CSMD1: variants seen among roughly 807,000 people sequenced by gnomAD.
CSMD1 encodes the protein CUB and Sushi multiple domains 1.
A neutral mutation model predicts 417.5 loss-of-function variants in CSMD1; 213 were observed. That is an observed-to-expected ratio of 0.51 (90% CI 0.46 to 0.57). The LOEUF (loss-of-function observed/expected upper bound fraction) is 0.57, where lower values mean the gene tolerates loss of function less well. CSMD1 is among the 20% of genes least tolerant of loss of function. CSMD1 has a pLI of 0.00. For synonymous variants in CSMD1, 2,862 were observed against 1,736.8 expected, an observed-to-expected ratio of 1.65 and a Z score of -16.11; for missense variants, 6,923 against 4,529.7, an observed-to-expected ratio of 1.53 and a Z score of -15.17.
chr8:4,684,955 A>G (rs1194849922), intron 1 of CSMD1, among the ~76,000 whole-genome samples: 2 of 152,184 alleles, frequency 1.3e-5, no homozygotes, highest in Non-Finnish European at 2.9e-5. Flanking sequence ...AATTGCTGAA[A>G]TGGAAGCCTA....
intron 1 of CSMD1, chr8:4,787,558 G>C (rs893783256): frequency 1.4e-6 from 2 of 1,447,934 alleles, no homozygotes; most frequent in African/African-American, 2.8e-5. Context: ...GAAAATGTGG[G>C]GAGACAGCTT....
intron 5 of CSMD1, among the ~76,000 whole-genome samples, chr8:3,922,047 T>C (rs1472726925): frequency 1.3e-5 from 2 of 152,198 alleles, no homozygotes; most frequent in East Asian, 1.9e-4. Context: ...ATATTTGCTA[T>C]ATATGTAGGT....
At chr8:3,245,182 G>A (rs1385581882) in intron 26 of CSMD1, among the ~76,000 whole-genome samples, 1 of 152,192 alleles carries the variant, frequency 6.6e-6, no homozygotes, top group African/African-American at 2.4e-5. Flanking sequence ...TGGCACTCCT[G>A]TCTTCTGAGT....
intron 1 of CSMD1, among the ~76,000 whole-genome samples, chr8:4,733,752 A>T (rs1417813087): frequency 1.3e-5 from 2 of 152,236 alleles, no homozygotes; most frequent in African/African-American, 4.8e-5. Flanking sequence ...TAAAACTGGT[A>T]AACAAAGAAA....
intron 5 of CSMD1, among the ~76,000 whole-genome samples, chr8:3,876,552 AATT>A (rs1805835988): frequency 6.6e-6 from 1 of 152,220 alleles, no homozygotes; most frequent in Non-Finnish European, 1.5e-5. Flanking sequence ...ATTCCTAAAA[AATT>A]ATTAATTCTA....
At chr8:4,666,490 T>C (rs563346786) in intron 1 of CSMD1, among the ~76,000 whole-genome samples, 1 of 152,212 alleles carries the variant, frequency 6.6e-6, no homozygotes, top group South Asian at 2.1e-4. Context: ...AAAAGGTGAA[T>C]TTTTACTAAG....
intron 15 of CSMD1, among the ~76,000 whole-genome samples, chr8:3,401,711 C>G (rs1812049579): frequency 6.6e-6 from 1 of 152,004 alleles, no homozygotes; most frequent in African/African-American, 2.4e-5. Flanking sequence ...GGAAAAAGGT[C>G]TTAGGAAAGC....
At chr8:3,576,728 A>G (rs1272886421) in intron 9 of CSMD1, among the ~76,000 whole-genome samples, 1 of 152,156 alleles carries the variant, frequency 6.6e-6, no homozygotes, top group African/African-American at 2.4e-5. Flanking sequence ...CTTATACACT[A>G]ATATCTCACT....
rs1585098796 is a variant in CSMD1, at chr8:4,788,160, A to G, written c.86-150602T>C. ...TTCTGATCTTGGTCACTGTGAAAAA[A>G]TCAAGAAGGCCTGTGGAAATTTTGG... On this transcript the variant is annotated intron_variant, in intron 1 of 69. Coordinates refer to ENST00000635120, the MANE Select transcript of CSMD1 (RefSeq NM_033225.6). 2.8e-5 allele frequency: 45 copies of G among 1,598,552 alleles called. No individual in the cohort carries two copies. The East Asian group carries it at 9.8e-4, about 35-fold the overall frequency.
chr8:2,977,559 C>A (rs1805034002), intron 55 of CSMD1, among the ~76,000 whole-genome samples: 3 of 152,092 alleles, frequency 2.0e-5, no homozygotes, highest in Admixed American at 1.3e-4. Context: ...CTGCAGTGAA[C>A]ATACACATGC....
intron 50 of CSMD1, among the ~76,000 whole-genome samples, chr8:3,036,106 T>G (rs1810658426): frequency 6.6e-6 from 1 of 152,234 alleles, no homozygotes. Context: ...TGCCCTGACT[T>G]GTGAGTGTTT....
At chr8:2,968,313 C>G (rs530927977) in intron 57 of CSMD1, among the ~76,000 whole-genome samples, 3 of 152,086 alleles carry the variant, frequency 2.0e-5, no homozygotes, top group African/African-American at 4.8e-5. Flanking sequence ...TTTAACAAAC[C>G]GAAAGAGGAC....
chr8:4,061,690 G>C (rs781136909), intron 3 of CSMD1, among the ~76,000 whole-genome samples: 1 of 152,124 alleles, frequency 6.6e-6, no homozygotes, highest in Non-Finnish European at 1.5e-5. Flanking sequence ...TATCTTTTAT[G>C]ATTTTTCAAG....
intron 5 of CSMD1, among the ~76,000 whole-genome samples, chr8:3,919,327 C>T (rs556730014): frequency 3.3e-5 from 5 of 151,820 alleles, no homozygotes; most frequent in Non-Finnish European, 5.9e-5. Flanking sequence ...TGGTCTAACA[C>T]GTGGGCCAGT....
intron 3 of CSMD1, among the ~76,000 whole-genome samples, chr8:4,268,715 A>G (rs544057343): frequency 1.2e-4 from 19 of 152,180 alleles, no homozygotes; most frequent in East Asian, 9.7e-4. Context: ...TTGAAGTAAC[A>G]TAACCAAATA....
intron 27 of CSMD1, among the ~76,000 whole-genome samples, chr8:3,228,689 A>G (rs1798656639): frequency 6.6e-6 from 1 of 152,200 alleles, no homozygotes; most frequent in Non-Finnish European, 1.5e-5. Context: ...TCAAATTAAT[A>G]TAAATTAATA....
chr8:4,967,890 T>C (rs934403911), intron 1 of CSMD1, among the ~76,000 whole-genome samples: 2 of 152,206 alleles, frequency 1.3e-5, no homozygotes, highest in East Asian at 1.9e-4. Flanking sequence ...TGCAGTACCA[T>C]ACCGTGTGTG....
chr8:4,965,497 G>C (rs903896125), intron 1 of CSMD1, among the ~76,000 whole-genome samples: 1 of 152,214 alleles, frequency 6.6e-6, no homozygotes, highest in Non-Finnish European at 1.5e-5. Context: ...GGATGACTGA[G>C]TCTCTGCTTC....
intron 7 of CSMD1, among the ~76,000 whole-genome samples, chr8:3,647,609 C>A (rs1444959894): frequency 6.6e-6 from 1 of 152,106 alleles, no homozygotes; most frequent in East Asian, 1.9e-4. Context: ...CCACTGGCAA[C>A]ATTTGAAATG....
Sources: gnomAD v4.1 joint callset for allele counts (sites outside exome capture counted in the v4.1 genomes callset) on GRCh38, gnomAD v4.1.1 for gene constraint, MANE v1.5 for transcripts, NCBI Gene and HGNC (gene_info 2026-07-23, HGNC 2026-07-21) for gene names.